SIK3: variants seen among roughly 807,000 people sequenced by gnomAD.
SIK3 encodes SIK family kinase 3, also known as serine/threonine-protein kinase SIK3.
Under a neutral mutation model 144.2 loss-of-function variants are expected in SIK3, and 28 were observed. The observed-to-expected ratio is 0.19, with a 90% CI of 0.14 to 0.27. The LOEUF (loss-of-function observed/expected upper bound fraction) is 0.27, where lower values mean the gene tolerates loss of function less well. Ranked by LOEUF, SIK3 falls within the 10% of genes least tolerant of loss-of-function variation. SIK3 has a pLI of 1.00. For missense variants in SIK3, 1,319 were observed against 1,776.0 expected (o/e 0.74, Z 4.62); for synonymous variants, 686 against 676.3 (o/e 1.01, Z -0.22).
chr11:117,075,344 G>A (rs1954464846), intron 1 of SIK3, among the ~76,000 whole-genome samples: 1 of 152,074 alleles, frequency 6.6e-6, no homozygotes, highest in Admixed American at 6.6e-5. Context: ...CCATTAATGA[G>A]GATGACAGCA....
chr11:116,933,041 G>C (rs1947705029), intron 3 of SIK3, among the ~76,000 whole-genome samples: 1 of 152,008 alleles, frequency 6.6e-6, no homozygotes, highest in Admixed American at 6.6e-5. Context: ...AAAGTGTTGG[G>C]ATTACAGGCA....
intron 4 of SIK3, among the ~76,000 whole-genome samples, chr11:116,911,314 C>A (rs1400369164): frequency 2.6e-5 from 4 of 152,032 alleles, no homozygotes; most frequent in African/African-American, 9.7e-5. Flanking sequence ...TCGAGACCAG[C>A]CTGGTCAACA....
At chr11:116,986,546 CAG>C (rs1950332142) in intron 1 of SIK3, among the ~76,000 whole-genome samples, 1 of 152,188 alleles carries the variant, frequency 6.6e-6, no homozygotes. Context: ...TTGAGCTTAA[CAG>C]AGAAAACAGA....
At position 116,976,241 on chromosome 11, in the gene SIK3, C is replaced by T. The variant is rs1949942716; in HGVS notation, c.274-19177G>A. Among the ~76,000 whole-genome samples, 5 of 152,258 alleles carry T rather than the reference C, an allele frequency of 3.3e-5. No individual in the cohort carries two copies. In the South Asian group the frequency reaches 1.0e-3, roughly 32 times the overall value. On this transcript the variant is annotated intron_variant, in intron 1 of 24. Coordinates refer to ENST00000445177, the MANE Select transcript of SIK3 (RefSeq NM_001366686.3). ...TCCATTTATCTATTTTTCCCTTTGT[C>T]CCTTCTGCTTTTGGTAGTCTATTTA...
chr11:116,874,714 G>T (rs577369082), intron 11 of SIK3, among the ~76,000 whole-genome samples: 25 of 152,332 alleles, frequency 1.6e-4, no homozygotes, highest in African/African-American at 5.8e-4. Flanking sequence ...GAAGAAAAGA[G>T]ATATTTATAA....
intron 1 of SIK3, among the ~76,000 whole-genome samples, chr11:117,092,432 T>C (rs191833568): frequency 2.0e-5 from 3 of 152,280 alleles, no homozygotes; most frequent in Non-Finnish European, 4.4e-5. Flanking sequence ...AAGAAAGGTC[T>C]TCCCTGACCA....
At chr11:116,975,795 T>C (rs1949929352) in intron 1 of SIK3, among the ~76,000 whole-genome samples, 2 of 152,244 alleles carry the variant, frequency 1.3e-5, no homozygotes, top group Admixed American at 1.3e-4. Flanking sequence ...TTTGAAGAAA[T>C]GACAAAGCTG....
intron 21 of SIK3, chr11:116,857,567 G>T: frequency 1.8e-6 from 1 of 562,970 alleles, no homozygotes; most frequent in Non-Finnish European, 2.9e-6. Context: ...GTATGAATAA[G>T]GGAAATGGAT....
At chr11:117,038,655 T>C (rs957503195) in intron 1 of SIK3, among the ~76,000 whole-genome samples, 2 of 152,030 alleles carry the variant, frequency 1.3e-5, no homozygotes, top group African/African-American at 4.8e-5. Context: ...ACCTGGCCGC[T>C]ACAAGATTCT....
intron 1 of SIK3, among the ~76,000 whole-genome samples, chr11:117,030,710 G>A (rs1952220299): frequency 6.6e-6 from 1 of 151,962 alleles, no homozygotes. Flanking sequence ...CATTCCCGTT[G>A]CCCAGGCTGG....
chr11:116,871,442 G>A (rs1943966735), intron 13 of SIK3, among the ~76,000 whole-genome samples: 1 of 152,330 alleles, frequency 6.6e-6, no homozygotes, highest in East Asian at 1.9e-4. Context: ...TGTGGCCAGT[G>A]ACAAATGGTC....
chr11:116,996,822 A>ATC, intron 1 of SIK3, among the ~76,000 whole-genome samples: 1 of 101,674 alleles, frequency 9.8e-6, no homozygotes, highest in East Asian at 2.4e-4. Context: ...TCTCTCTCAA[A>ATC]AAAAAAAAAA....
intron 1 of SIK3, among the ~76,000 whole-genome samples, chr11:117,005,757 T>A (rs1374292155): frequency 1.3e-5 from 2 of 152,142 alleles, no homozygotes; most frequent in East Asian, 3.8e-4. Context: ...AAGGACATAA[T>A]AGTTATATAA....
chr11:117,088,223 G>A (rs1294162955), intron 1 of SIK3, among the ~76,000 whole-genome samples: 1 of 152,118 alleles, frequency 6.6e-6, no homozygotes, highest in Admixed American at 6.5e-5. Context: ...AGGTGACAAA[G>A]CGAAACCCTA....
rs185801622 is a variant in SIK3 at position 117,013,505 on chromosome 11, C to G, written c.274-56441G>C. 5.9e-5 allele frequency among the ~76,000 whole-genome samples: 9 copies of G among 152,186 alleles called. No homozygotes were observed. The East Asian group carries it at 1.7e-3, about 29-fold the overall frequency. ...AAAAAACATAAAAAAACTTTGTATA[C>G]CAAACTGGGATTATCAATAAACGAA... On this transcript the variant is annotated intron_variant, in intron 1 of 24. Coordinates refer to ENST00000445177, the MANE Select transcript of SIK3 (RefSeq NM_001366686.3).
chr11:117,059,273 A>G (rs1953692939), intron 1 of SIK3, among the ~76,000 whole-genome samples: 1 of 152,232 alleles, frequency 6.6e-6, no homozygotes, highest in African/African-American at 2.4e-5. Context: ...AGGCATACAA[A>G]ATCACAGAGT....
intron 1 of SIK3, among the ~76,000 whole-genome samples, chr11:117,084,756 G>A (rs997328155): frequency 2.6e-5 from 4 of 152,228 alleles, no homozygotes; most frequent in Middle Eastern, 6.8e-3. Context: ...AATTAGACGT[G>A]AATGAGATGA....
intron 1 of SIK3, among the ~76,000 whole-genome samples, chr11:117,020,246 T>TATATACATATATATATATATATACACAC: frequency 7.9e-6 from 1 of 127,234 alleles, no homozygotes; most frequent in African/African-American, 3.5e-5. Context: ...CATATATATA[T>TATATACATATATATATATATATACACAC]ACACATACAT....
At chr11:117,023,601 CAAACAAACAA>C (rs1413057824) in intron 1 of SIK3, among the ~76,000 whole-genome samples, 8 of 36,404 alleles carry the variant, frequency 2.2e-4, no homozygotes, top group East Asian at 6.8e-4. Flanking sequence ...AACAAACAAA[CAAACAAACAA>C]AAAAAAAAAA....
Sources: gnomAD v4.1 joint callset for allele counts (sites outside exome capture counted in the v4.1 genomes callset) on GRCh38, gnomAD v4.1.1 for gene constraint, MANE v1.5 for transcripts, NCBI Gene and HGNC (gene_info 2026-07-23, HGNC 2026-07-21) for gene names.